Variants in TENM4 observed in about 807,000 individuals in gnomAD.
The protein encoded by TENM4 is teneurin-4.
TENM4 carries 82 observed loss-of-function variants against 243.3 expected under a neutral mutation model. The observed-to-expected ratio is 0.34, with a 90% CI of 0.28 to 0.40. The LOEUF is 0.40. Among genes scored for constraint, TENM4 ranks in the 10% least tolerant of loss-of-function variants. The probability of loss-of-function intolerance (pLI) is 1.00; values close to 1 mark genes in which losing one functional copy is unlikely to be tolerated. For synonymous variants in TENM4, 1,412 were observed against 1,456.3 expected, an observed-to-expected ratio of 0.97 and a Z score of 0.69; for missense variants, 3,138 against 3,673.3, an observed-to-expected ratio of 0.85 and a Z score of 3.77.
chr11:79,056,466 GAAC>G (rs1378249624), intron 6 of TENM4, among the ~76,000 whole-genome samples: 1 of 151,998 alleles, frequency 6.6e-6, no homozygotes, highest in Non-Finnish European at 1.5e-5. Flanking sequence ...GGACTCCTAA[GAAC>G]AACAAAGCTA....
intron 1 of TENM4, among the ~76,000 whole-genome samples, chr11:79,396,940 T>C (rs982550295): frequency 1.3e-5 from 2 of 152,218 alleles, no homozygotes; most frequent in Admixed American, 1.3e-4. Flanking sequence ...GCTGCTGTCA[T>C]TGATACAAGG....
rs149797473 is a variant in TENM4 at position 78,860,142 on chromosome 11, A to C, written c.1255+2820T>G. On this transcript the variant is annotated intron_variant, in intron 10 of 33. Transcript: ENST00000278550. Reference sequence around the variant, plus strand: ...CTTTAACATATTCAAAAATACCTCAAACCTTTGCAGAATCTGTGGCAGGGA... The same window carrying C: ...CTTTAACATATTCAAAAATACCTCACACCTTTGCAGAATCTGTGGCAGGGA... 2.0e-4 allele frequency among the ~76,000 whole-genome samples: 31 copies of C among 152,356 alleles called. No individual in the cohort carries two copies. In the East Asian group the frequency reaches 6.0e-3, roughly 29 times the overall value.
intron 4 of TENM4, among the ~76,000 whole-genome samples, chr11:79,116,605 T>G (rs551486179): frequency 2.7e-4 from 41 of 152,362 alleles, no homozygotes; most frequent in African/African-American, 9.9e-4. Flanking sequence ...GGTTTTATGT[T>G]GAACACACTA....
intron 4 of TENM4, among the ~76,000 whole-genome samples, chr11:79,075,425 T>A (rs1173698043): frequency 1.3e-5 from 2 of 152,198 alleles, no homozygotes; most frequent in Non-Finnish European, 2.9e-5. Flanking sequence ...TTTAACTTAC[T>A]CCAAGAGGCT....
chr11:79,348,584 A>G (rs1304538323), intron 1 of TENM4, among the ~76,000 whole-genome samples: 1 of 152,202 alleles, frequency 6.6e-6, no homozygotes, highest in African/African-American at 2.4e-5. Context: ...GGGTTAGATT[A>G]GGTCATGAGG....
At chr11:79,090,667 G>C (rs1415691791) in intron 4 of TENM4, among the ~76,000 whole-genome samples, 2 of 152,190 alleles carry the variant, frequency 1.3e-5, no homozygotes, top group Non-Finnish European at 2.9e-5. Flanking sequence ...GTGCGCCTCT[G>C]CCTCCCATAC....
chr11:79,117,062 A>G (rs1388927082), intron 4 of TENM4, among the ~76,000 whole-genome samples: 2 of 152,142 alleles, frequency 1.3e-5, no homozygotes, highest in African/African-American at 4.8e-5. Flanking sequence ...TTATTCAGCT[A>G]CCCAATGTAG....
intron 3 of TENM4, among the ~76,000 whole-genome samples, chr11:79,181,464 A>C (rs1396355923): frequency 6.6e-6 from 1 of 152,184 alleles, no homozygotes; most frequent in African/African-American, 2.4e-5. Flanking sequence ...CAGCATCTAC[A>C]AAAAATCTAC....
At chr11:78,837,264 T>C (rs979207699) in intron 12 of TENM4, among the ~76,000 whole-genome samples, 15 of 152,332 alleles carry the variant, frequency 9.8e-5, no homozygotes, top group Admixed American at 8.5e-4. Context: ...CTGATGATTT[T>C]ATAAGGGGTT....
At position 78,963,030 on chromosome 11, in the gene TENM4, T is replaced by TCATG. The variant is rs1857365513; in HGVS notation, c.494-59508_494-59507insCATG. Among the ~76,000 whole-genome samples the TCATG allele has an allele frequency of 3.3e-5, 5 of 152,370 alleles. No homozygotes were observed. The South Asian group carries it at 1.0e-3, about 32-fold the overall frequency. On this transcript the variant is annotated intron_variant, in intron 6 of 33. Transcript: ENST00000278550. ...ACCCTTAGGAAATTTTGTTCATGTC[T>TCATG]TTATATTCAGAATCTAACATAATGC...
chr11:79,408,036 T>A (rs981915308), intron 1 of TENM4, among the ~76,000 whole-genome samples: 4 of 152,130 alleles, frequency 2.6e-5, no homozygotes, highest in African/African-American at 9.7e-5. Context: ...CCCAAGTAGC[T>A]GGGATTACAG....
At chr11:79,116,739 G>A (rs369306786) in intron 4 of TENM4, among the ~76,000 whole-genome samples, 5 of 152,066 alleles carry the variant, frequency 3.3e-5, no homozygotes, top group East Asian at 1.9e-4. Context: ...GAAATATATC[G>A]CCTGGGGCCA....
At chr11:79,058,415 G>A (rs960722573) in intron 6 of TENM4, among the ~76,000 whole-genome samples, 2 of 151,970 alleles carry the variant, frequency 1.3e-5, no homozygotes, top group African/African-American at 4.8e-5. Flanking sequence ...TGTGGTGGTG[G>A]GCGCCTGTAG....
intron 2 of TENM4, among the ~76,000 whole-genome samples, chr11:79,292,383 C>A (rs543036001): frequency 6.6e-6 from 1 of 152,306 alleles, no homozygotes; most frequent in East Asian, 1.9e-4. Flanking sequence ...ACGACTGTAC[C>A]TCTTGAGGCT....
Position 79,440,048 on chromosome 11 carries a change from G to A in TENM4, c.-321+461C>T, listed in dbSNP as rs1227945451. ...GCTGCAGCCGGCACTTGCCCCGCAG[G>A]GCAGGCTGCAGCCGCTGAAGCCCGG... On this transcript the variant is annotated intron_variant, in intron 1 of 33. Coordinates refer to ENST00000278550, the MANE Select transcript of TENM4 (RefSeq NM_001098816.3). This position sits in a 1 kb window ranked among gnomAD's most constrained non-coding sequence, Gnocchi z 4.7. Among the ~76,000 whole-genome samples, 3 of 152,106 alleles carry A rather than the reference G, an allele frequency of 2.0e-5. No individual in the cohort carries two copies. The highest frequency in any genetic ancestry group is 4.4e-5 in the Non-Finnish European group (3 of 68,004).
chr11:78,886,459 C>G (rs578262026), intron 9 of TENM4, among the ~76,000 whole-genome samples: 193 of 152,306 alleles, frequency 1.3e-3, no homozygotes, highest in African/African-American at 4.5e-3. Flanking sequence ...GGCTGCTACC[C>G]CCTAGCTTGT....
In TENM4 at chr11:79,311,090, G is replaced by C. The variant is rs185101540; in HGVS notation, c.-320-13547C>G. Reference sequence around the variant, plus strand: ...ATAGCAGCAAGATGGGACAAGACGGGTCTTGGCGAATGTCGTAGCTAACAC... The same window carrying C: ...ATAGCAGCAAGATGGGACAAGACGGCTCTTGGCGAATGTCGTAGCTAACAC... On this transcript the variant is annotated intron_variant, in intron 1 of 33. Coordinates refer to ENST00000278550, the MANE Select transcript of TENM4 (RefSeq NM_001098816.3). 3.1e-3 allele frequency among the ~76,000 whole-genome samples: 468 copies of C among 152,272 alleles called. 5 individuals are homozygous for C. Among genetic ancestry groups the C allele is most frequent in the African/African-American group, 0.011 (450 of 41,568 alleles).
At chr11:79,293,212 T>G (rs1402295288) in intron 2 of TENM4, among the ~76,000 whole-genome samples, 2 of 152,218 alleles carry the variant, frequency 1.3e-5, no homozygotes, top group African/African-American at 4.8e-5. Context: ...ACTGAATAAT[T>G]ATGAAATCTT....
Position 79,069,800 on chromosome 11 carries a change from C to A in TENM4, c.145G>T (p.Asp49Tyr). The A allele has an allele frequency of 6.4e-7, 1 of 1,551,212 alleles. No homozygotes were observed. Among genetic ancestry groups the A allele is most frequent in the South Asian group, 1.2e-5 (1 of 84,062 alleles). The change falls in exon 5 of 34, where the codon GAC (aspartate) becomes TAC (tyrosine). Residue 49 changes from aspartate to tyrosine, a missense_variant. By Grantham distance (160) the Asp-to-Tyr change is radical (BLOSUM62 -3). Around this residue, in one of 2 missense-constraint regions of TENM4, gnomAD observed 671 missense variants for 614.1 expected, o/e 1.09. Coordinates refer to ENST00000278550, the MANE Select transcript of TENM4 (RefSeq NM_001098816.3). ...YSSSETLKAY[D>Y]QDARLAYGSR... ...CCATAGGCTAGGCGGGCGTCCTGGT[C>A]GTAGGCCTTCAGGGTCTCGCTGGAG...
Sources: allele counts gnomAD v4.1 joint callset (sites outside exome capture counted in the v4.1 genomes callset), GRCh38; gene constraint gnomAD v4.1.1; regional missense constraint gnomAD v4.1.1; non-coding constraint Gnocchi (gnomAD v3.1); transcripts MANE v1.5; gene names NCBI Gene and HGNC (gene_info 2026-07-23, HGNC 2026-07-21).